Variants in TBC1D22B observed in about 807,000 individuals in gnomAD.
TBC1D22B encodes the protein chromosome 6 open reading frame 197.
In TBC1D22B, 32 loss-of-function variants were observed where a neutral mutation model predicts 69.1. The ratio of observed to expected loss-of-function variants is 0.46; its 90% confidence interval spans 0.35 to 0.62. The LOEUF (loss-of-function observed/expected upper bound fraction) is 0.62, where lower values mean the gene tolerates loss of function less well. Among genes scored for constraint, TBC1D22B ranks in the 20% least tolerant of loss-of-function variants. TBC1D22B has a pLI of 0.00. For missense variants in TBC1D22B, 462 were observed against 630.9 expected (o/e 0.73, Z 2.87); for synonymous variants, 206 against 229.8 (o/e 0.90, Z 0.94).
intron 8 of TBC1D22B, among the ~76,000 whole-genome samples, chr6:37,305,755 C>T (rs144280896): frequency 0.012 from 1,789 of 152,230 alleles, 28 homozygotes; most frequent in African/African-American, 0.037. Context: ...CTCCTGACCT[C>T]GTGATCCACC....
intron 2 of TBC1D22B, among the ~76,000 whole-genome samples, chr6:37,277,341 G>C (rs1468994628): frequency 6.6e-6 from 1 of 152,208 alleles, no homozygotes; most frequent in Non-Finnish European, 1.5e-5. Context: ...ATCCCCTGAG[G>C]TGGTACTGCA....
intron 3 of TBC1D22B, among the ~76,000 whole-genome samples, chr6:37,281,214 T>A (rs1461468097): frequency 1.3e-5 from 2 of 152,244 alleles, no homozygotes; most frequent in Non-Finnish European, 2.9e-5. Context: ...TTGCAAGTTA[T>A]TTAACCTCCC....
At chr6:37,258,932 C>T (rs1765956158) in intron 1 of TBC1D22B, among the ~76,000 whole-genome samples, 1 of 139,632 alleles carries the variant, frequency 7.2e-6, no homozygotes, top group Admixed American at 7.5e-5. Context: ...TTTTTTCCTT[C>T]TGGGATAATC....
chr6:37,281,242 T>C (rs1486731448), intron 3 of TBC1D22B, among the ~76,000 whole-genome samples: 2 of 152,226 alleles, frequency 1.3e-5, no homozygotes, highest in African/African-American at 4.8e-5. Flanking sequence ...CAGTTTCTTG[T>C]CTGTAAAATA....
chr6:37,269,085 G>A (rs183841799), intron 1 of TBC1D22B, among the ~76,000 whole-genome samples: 12 of 152,000 alleles, frequency 7.9e-5, no homozygotes, highest in Non-Finnish European at 1.5e-4. Flanking sequence ...GGGTCTTAGG[G>A]TATGCATATT....
At chr6:37,272,564 T>G (rs1348176628) in intron 2 of TBC1D22B, among the ~76,000 whole-genome samples, 1 of 151,864 alleles carries the variant, frequency 6.6e-6, no homozygotes, top group Admixed American at 6.6e-5. Flanking sequence ...ATTTTTGTAT[T>G]TTTAGTGTAG....
chr6:37,274,607 A>G (rs1766604375), intron 2 of TBC1D22B, among the ~76,000 whole-genome samples: 1 of 152,368 alleles, frequency 6.6e-6, no homozygotes, highest in East Asian at 1.9e-4. Context: ...AGAGATAGTA[A>G]GACTCATTTC....
At position 37,269,669 on chromosome 6, in the gene TBC1D22B, G is replaced by A. The variant is rs186907485; in HGVS notation, c.113+19G>A. 5.1e-5 allele frequency: 83 copies of A among 1,613,364 alleles called. No individual in the cohort carries two copies. The highest frequency in any genetic ancestry group is 1.7e-4 in the Middle Eastern group (1 of 6,060). ...CCAAAAAGTAAGTCAAGACATTTTC[G>A]TTTTATCTATCTACTGCTGTCACCC... On this transcript the variant is annotated intron_variant, in intron 2 of 12. Transcript: ENST00000373491.
intron 2 of TBC1D22B, among the ~76,000 whole-genome samples, chr6:37,275,545 G>A (rs769692955): frequency 6.6e-6 from 1 of 152,170 alleles, no homozygotes; most frequent in South Asian, 2.1e-4. Context: ...CAGGAGTCAG[G>A]TAGACCTGGA....
rs372115070 is a variant in TBC1D22B, at chr6:37,324,658, A to C, written c.1390-6386A>C. 1.3e-3 allele frequency among the ~76,000 whole-genome samples: 195 copies of C among 152,306 alleles called. 1 individual carries two copies. The highest frequency in any genetic ancestry group is 4.1e-3 in the African/African-American group (171 of 41,566). ...ACTAAATAAAAGTAAAAATGAACAA[A>C]AAAAAAAAGTGAATGCTTCTAGATT... On this transcript the variant is annotated intron_variant, in intron 12 of 12. Coordinates refer to ENST00000373491, the MANE Select transcript of TBC1D22B (RefSeq NM_017772.4).
intron 5 of TBC1D22B, among the ~76,000 whole-genome samples, chr6:37,283,481 A>G (rs1771941000): frequency 6.6e-6 from 1 of 152,216 alleles, no homozygotes. Context: ...GCTGTTTGCC[A>G]GGCATAGTGC....
Position 37,284,531 on chromosome 6 carries a change from C to T in TBC1D22B, c.801+67C>T, listed in dbSNP as rs112279095. The T allele has an allele frequency of 5.9e-4, 873 of 1,477,752 alleles. 7 individuals are homozygous for T. In the African/African-American group the frequency reaches 0.01, roughly 17 times the overall value. 91.5% of individuals were successfully genotyped at this position (1,477,752 alleles called of 1,614,324 possible). ...ACTTTAGGTATGTCTCATGGTAGTG[C>T]TCTCAGGGTACAGGCTTTCCAAGTC... is the stretch of plus-strand genomic sequence containing the variant. On this transcript the variant is annotated intron_variant, in intron 6 of 12. Coordinates refer to ENST00000373491, the MANE Select transcript of TBC1D22B (RefSeq NM_017772.4).
chr6:37,321,700 C>A (rs1581633635), intron 12 of TBC1D22B, among the ~76,000 whole-genome samples: 1 of 152,250 alleles, frequency 6.6e-6, no homozygotes, highest in South Asian at 2.1e-4. Context: ...CAGGGAGCCC[C>A]CAGGGCTGGT....
Position 37,331,112 on chromosome 6 carries a change from C to T in TBC1D22B, c.1458C>T (p.Leu486=), listed in dbSNP as rs185992956. ...HWGNEEIGLL[L]AEAYRLKYMF... The stretch of plus-strand genomic sequence containing the variant: ...GCAACGAAGAAATTGGGCTGCTTCT[C>T]GCCGAGGCATACAGACTCAAGTACA... Residue 486 remains leucine, a synonymous_variant, in exon 13 of 13, where the codon CTC becomes CTT. Transcript: ENST00000373491. 9.4e-5 allele frequency: 152 copies of T among 1,614,170 alleles called. No individual in the cohort carries two copies. Among genetic ancestry groups the T allele is most frequent in the Non-Finnish European group, 1.2e-4 (142 of 1,180,006 alleles).
chr6:37,263,706 C>T (rs532509240), intron 1 of TBC1D22B, among the ~76,000 whole-genome samples: 324 of 152,308 alleles, frequency 2.1e-3, no homozygotes, highest in Middle Eastern at 6.8e-3. Context: ...GCCTTGGCCT[C>T]CCGAGTAGCT....
chr6:37,326,271 T>C (rs1196375132), intron 12 of TBC1D22B, among the ~76,000 whole-genome samples: 1 of 149,764 alleles, frequency 6.7e-6, no homozygotes, highest in East Asian at 2.0e-4. Flanking sequence ...TCTCAGCTAC[T>C]CAGGAGGCTG....
intron 12 of TBC1D22B, among the ~76,000 whole-genome samples, chr6:37,324,805 T>C (rs1656559382): frequency 6.6e-6 from 1 of 152,220 alleles, no homozygotes; most frequent in Non-Finnish European, 1.5e-5. Context: ...CATGCCCAGA[T>C]TGGGCTCAAA....
chr6:37,267,392 T>C (rs1167575100), intron 1 of TBC1D22B, among the ~76,000 whole-genome samples: 1 of 141,970 alleles, frequency 7.0e-6, no homozygotes, highest in African/African-American at 2.7e-5. Context: ...ATAATATATA[T>C]ATACACACAT....
chr6:37,312,929 G>A lies in TBC1D22B; in HGVS notation c.994G>A (p.Glu332Lys), dbSNP rs1450523284. Residue 332 changes from glutamate to lysine, a missense_variant, in exon 9 of 13, where the codon GAG (glutamate) becomes AAG (lysine). Coordinates refer to ENST00000373491, the MANE Select transcript of TBC1D22B (RefSeq NM_017772.4). ...FLSEYVEEDVENFDVTNLSQD... is the reference protein window; with the variant it reads ...FLSEYVEEDVKNFDVTNLSQD... Reference sequence around the variant, plus strand: ...CTTTTGTTTTACAGAAGAGGATGTGGAGAACTTTGACGTGACCAACTTGTC... The same window carrying A: ...CTTTTGTTTTACAGAAGAGGATGTGAAGAACTTTGACGTGACCAACTTGTC... The A allele has an allele frequency of 6.2e-7, 1 of 1,613,894 alleles. No individual in the cohort carries two copies. Among genetic ancestry groups the A allele is most frequent in the Non-Finnish European group, 8.5e-7 (1 of 1,179,798 alleles).
Sources: gnomAD v4.1 joint callset for allele counts (sites outside exome capture counted in the v4.1 genomes callset) on GRCh38, gnomAD v4.1.1 for gene constraint, MANE v1.5 for transcripts, NCBI Gene and HGNC (gene_info 2026-07-23, HGNC 2026-07-21) for gene names.